The following MAP3K1 variants were observed in gnomAD, a reference collection of about 807,000 sequenced individuals.
The protein encoded by MAP3K1 is MAP/ERK kinase kinase 1.
In MAP3K1, 36 loss-of-function variants were observed where a neutral mutation model predicts 144.2. The observed-to-expected ratio is 0.25, with a 90% CI of 0.19 to 0.33. The LOEUF is 0.33. Ranked by LOEUF, MAP3K1 falls within the 10% of genes least tolerant of loss-of-function variation. The pLI, the probability that MAP3K1 is intolerant of heterozygous loss-of-function variation, is 1.00. For synonymous variants in MAP3K1, 718 were observed against 688.7 expected (o/e 1.04, Z -0.67); for missense variants, 1,650 against 1,881.9 (o/e 0.88, Z 2.28).
chr5:56,823,841 A>G (rs923728246), intron 1 of MAP3K1, among the ~76,000 whole-genome samples: 2 of 152,226 alleles, frequency 1.3e-5, no homozygotes, highest in African/African-American at 2.4e-5. Context: ...AGAGTCTGCT[A>G]TGTGTATATA....
chr5:56,879,231 G>T (rs1333208616), intron 11 of MAP3K1, 130 bp downstream of exon 11: 1 of 1,254,718 alleles, frequency 8.0e-7, no homozygotes, highest in Non-Finnish European at 1.2e-6. Context: ...TTTAATGTGA[G>T]ATTTAAAATG....
intron 1 of MAP3K1, among the ~76,000 whole-genome samples, chr5:56,824,580 C>T (rs1262065397): frequency 3.3e-5 from 5 of 152,172 alleles, no homozygotes; most frequent in Non-Finnish European, 5.9e-5. Flanking sequence ...TTAGTTCCAT[C>T]TAGGGCAGCC....
chr5:56,854,389 A>G (rs1747268648), intron 1 of MAP3K1, among the ~76,000 whole-genome samples: 1 of 138,394 alleles, frequency 7.2e-6, no homozygotes, highest in African/African-American at 2.7e-5. Context: ...AGCCTATTGC[A>G]CCATTGCACT....
chr5:56,856,641 A>C lies in MAP3K1; in HGVS notation c.524A>C (p.Lys175Thr), dbSNP rs1747351532. 1 of 1,613,996 alleles carries C rather than the reference A, an allele frequency of 6.2e-7. No individual in the cohort carries two copies. The highest frequency in any genetic ancestry group is 8.5e-7 in the Non-Finnish European group (1 of 1,179,876). Residue 175 changes from lysine (K) to threonine (T), a missense_variant, in exon 2 of 20, where the codon AAG becomes ACG. Physicochemically the swap from Lys to Thr is moderately conservative, Grantham distance 78. Coordinates refer to ENST00000399503, the MANE Select transcript of MAP3K1 (RefSeq NM_005921.2). ...AAAGAAACTCTCAAAGGGTTGCACA[A>C]GATGGATGATCGTCCAGAGGAACGA... The part of the protein sequence containing the change: ...ENKETLKGLH[K>T]MDDRPEERMI...
At chr5:56,818,231 T>C (rs1436001538) in intron 1 of MAP3K1, among the ~76,000 whole-genome samples, 2 of 152,186 alleles carry the variant, frequency 1.3e-5, no homozygotes, top group African/African-American at 4.8e-5. Flanking sequence ...AGGGCTTGTA[T>C]CTTATTTGAG....
chr5:56,884,634 A>G lies in MAP3K1; in HGVS notation c.3820-30A>G, dbSNP rs776896490. The G allele has an allele frequency of 8.1e-6, 13 of 1,611,850 alleles. No individual in the cohort carries two copies. In the South Asian group the frequency reaches 8.8e-5, roughly 11 times the overall value. On this transcript the variant is annotated intron_variant, in intron 15 of 19. Coordinates refer to ENST00000399503, the MANE Select transcript of MAP3K1 (RefSeq NM_005921.2). ...ATCAGATTGCTAGTGAAAATATGCAAAACTTTGTGAACGTGTTTATTTGAA... is the reference window on the plus strand; with the variant it reads ...ATCAGATTGCTAGTGAAAATATGCAGAACTTTGTGAACGTGTTTATTTGAA...
At chr5:56,854,191 T>C (rs1747262548) in intron 1 of MAP3K1, among the ~76,000 whole-genome samples, 1 of 152,138 alleles carries the variant, frequency 6.6e-6, no homozygotes, top group African/African-American at 2.4e-5. Context: ...CCCAGCACTT[T>C]GGGAGGCCGA....
chr5:56,887,654 TTAA>T, intron 18 of MAP3K1, 134 bp downstream of exon 18: 1 of 937,164 alleles, frequency 1.1e-6, no homozygotes. Flanking sequence ...AAATACGGTT[TTAA>T]TAATATCTTT....
At chr5:56,892,616 A>C (rs1748582013) in intron 19 of MAP3K1, among the ~76,000 whole-genome samples, 1 of 152,230 alleles carries the variant, frequency 6.6e-6, no homozygotes, top group African/African-American at 2.4e-5. Flanking sequence ...TCAAAAAATA[A>C]GAATGAAATA....
chr5:56,879,548 A>G (rs1748143508), intron 11 of MAP3K1, among the ~76,000 whole-genome samples: 1 of 144,320 alleles, frequency 6.9e-6, no homozygotes, highest in Non-Finnish European at 1.5e-5. Context: ...ATTTTACTCT[A>G]CTTATGACAG....
chr5:56,838,800 G>A (rs902018674), intron 1 of MAP3K1, among the ~76,000 whole-genome samples: 1 of 152,176 alleles, frequency 6.6e-6, no homozygotes, highest in African/African-American at 2.4e-5. Flanking sequence ...CCCAAAACCA[G>A]GTGTAGAAAC....
chr5:56,881,328 C>T (rs978969386), intron 13 of MAP3K1, 56 bp downstream of exon 13: 1 of 1,422,730 alleles, frequency 7.0e-7, no homozygotes, highest in Non-Finnish European at 9.9e-7. Flanking sequence ...CCTACACCCT[C>T]CTCAAGAATG....
chr5:56,874,579 CTA>C (rs1349182407), intron 9 of MAP3K1, among the ~76,000 whole-genome samples: 3 of 152,146 alleles, frequency 2.0e-5, no homozygotes, highest in African/African-American at 7.2e-5. Context: ...GAGAAATACT[CTA>C]TATCTCTTGA....
Position 56,817,000 on chromosome 5 carries a change from C to T in MAP3K1, c.482+945C>T, listed in dbSNP as rs532721739. On this transcript the variant is annotated intron_variant, in intron 1 of 19. Coordinates refer to ENST00000399503, the MANE Select transcript of MAP3K1 (RefSeq NM_005921.2). The stretch of plus-strand genomic sequence containing the variant: ...TGGCCCGGGGACTGCGGCGCGGGTG[C>T]AGTGCTTCCTGCTCGGTGCCCTGGC... The T allele has an allele frequency of 1.5e-4, 135 of 896,194 alleles. No homozygotes were observed. The Middle Eastern group carries it at 1.7e-3, about 11-fold the overall frequency. The allele number at this position is 896,194 out of a possible 1,614,324, so 55.5% of individuals were successfully genotyped here.
At chr5:56,853,894 G>C (rs936607414) in intron 1 of MAP3K1, among the ~76,000 whole-genome samples, 13 of 151,868 alleles carry the variant, frequency 8.6e-5, no homozygotes, top group African/African-American at 2.7e-4. Context: ...TTTAGTCTAA[G>C]CCCGGGGGGA....
chr5:56,865,002 A>AT lies in MAP3K1; in HGVS notation c.1035+69dup, dbSNP rs1469457584. On this transcript the variant is annotated intron_variant, in intron 4 of 19. Transcript: ENST00000399503. ...TGGTACTACCTCAAATTTATATACTATAATGTTCTTAAATTTAGATCAATT... is the reference window on the plus strand; with the variant it reads ...TGGTACTACCTCAAATTTATATACTATTAATGTTCTTAAATTTAGATCAATT... 9.6e-6 allele frequency: 13 copies of AT among 1,360,744 alleles called. No homozygotes were observed. The South Asian group carries it at 1.3e-4, about 14-fold the overall frequency. 84.3% of individuals were successfully genotyped at this position (1,360,744 alleles called of 1,614,324 possible).
intron 19 of MAP3K1, among the ~76,000 whole-genome samples, chr5:56,891,532 C>T (rs1011182508): frequency 4.6e-5 from 7 of 152,132 alleles, no homozygotes; most frequent in Non-Finnish European, 7.3e-5. Context: ...TGCAGAAGCG[C>T]TTTAGTTTAA....
chr5:56,819,050 T>C (rs1393247621), intron 1 of MAP3K1, among the ~76,000 whole-genome samples: 1 of 152,200 alleles, frequency 6.6e-6, no homozygotes, highest in Non-Finnish European at 1.5e-5. Context: ...TTCCGTGAAT[T>C]TGTAAGTTTT....
intron 10 of MAP3K1, among the ~76,000 whole-genome samples, chr5:56,878,477 T>G (rs1748106925): frequency 6.6e-6 from 1 of 152,214 alleles, no homozygotes; most frequent in African/African-American, 2.4e-5. Context: ...AGTGGTGATT[T>G]TCTATTTTCC....
Sources: allele counts gnomAD v4.1 joint callset (sites outside exome capture counted in the v4.1 genomes callset), GRCh38; gene constraint gnomAD v4.1.1; transcripts MANE v1.5; gene names NCBI Gene and HGNC (gene_info 2026-07-23, HGNC 2026-07-21).